RRP12: variants seen among roughly 807,000 people sequenced by gnomAD.
RRP12 encodes the protein ribosomal RNA processing 12 homolog, also known as RRP12-like protein.
In RRP12, 78 loss-of-function variants were observed where a neutral mutation model predicts 157.3. The ratio of observed to expected loss-of-function variants is 0.50; its 90% CI spans 0.41 to 0.60. The LOEUF (loss-of-function observed/expected upper bound fraction) is 0.60, where lower values mean the gene tolerates loss of function less well. Among genes scored for constraint, RRP12 ranks in the 20% least tolerant of loss-of-function variants. The pLI, the probability that RRP12 is intolerant of heterozygous loss-of-function variation, is 0.00. For missense variants in RRP12, 1,521 were observed against 1,679.9 expected, an observed-to-expected ratio of 0.91 and a Z score of 1.65; for synonymous variants, 726 against 670.9, an observed-to-expected ratio of 1.08 and a Z score of -1.27.
At position 97,379,192 on chromosome 10, in the gene RRP12, AG is replaced by A. The variant is rs1159991353; in HGVS notation, c.1798+100del. 2.2e-6 allele frequency: 3 copies of A among 1,374,136 alleles called. No homozygotes were observed. The African/African-American group carries it at 4.3e-5, about 20-fold the overall frequency. 85.1% of individuals were successfully genotyped at this position (1,374,136 alleles called of 1,614,324 possible). A position where few individuals can be genotyped will look rare whatever the true frequency, so the allele number is the denominator to read the frequency against. ...AGAGGGATGTTGCCAAACGTCTTGA[AG>A]GCTGGGTGTGTGGGACTCAGCACCC... On this transcript the variant is annotated intron_variant, in intron 15 of 33. Transcript: ENST00000370992.
chr10:97,377,454 G>A lies in RRP12; in HGVS notation c.1798+1839C>T, dbSNP rs149627844. On this transcript the variant is annotated intron_variant, in intron 15 of 33. Coordinates refer to ENST00000370992, the MANE Select transcript of RRP12 (RefSeq NM_015179.4). The stretch of plus-strand genomic sequence containing the variant: ...TAAGGCAGGAGAATCGCTTGAATCT[G>A]GGAGGCAGAGGTTGCAGTGAACTGA... Among the ~76,000 whole-genome samples the A allele has an allele frequency of 1.8e-4, 27 of 152,232 alleles. No homozygotes were observed. In the East Asian group the frequency reaches 5.0e-3, roughly 28 times the overall value.
intron 29 of RRP12, among the ~76,000 whole-genome samples, chr10:97,365,369 G>C (rs907607826): frequency 6.6e-6 from 1 of 151,748 alleles, no homozygotes; most frequent in Non-Finnish European, 1.5e-5. Context: ...TGCCTCCTGG[G>C]TCCACGCCAT....
At chr10:97,372,587 G>GTCAGCACAGCCTC (rs1321132326) in intron 19 of RRP12, 149 bp downstream of exon 19, 5 of 700,114 alleles carry the variant, frequency 7.1e-6, no homozygotes, top group South Asian at 1.7e-5. Flanking sequence ...GAAGGAACTA[G>GTCAGCACAGCCTC]TCAGCACAGC....
At chr10:97,367,004 C>T (rs776327722) in intron 26 of RRP12, 37 bp downstream of exon 26, 47 of 1,611,674 alleles carry the variant, frequency 2.9e-5, no homozygotes, top group Non-Finnish European at 3.5e-5. Context: ...CTCGGCCCCT[C>T]GCTTGCCCTA....
In RRP12 at chr10:97,369,425, C is replaced by A. The variant is rs770548358; in HGVS notation, c.2955G>T (p.Val985=). Residue 985 remains valine, a splice_region_variant and synonymous_variant, in exon 25 of 34, where the codon GTG becomes GTT. Transcript: ENST00000370992. ...VAHLAKHVQL[V]MEAIGKLSDD... ...TGCTAAGGGGAACGGGGACACTCAC[C>A]ACCAGCTGCACATGTTTGGCCAGGT... 1 of 1,611,344 alleles carries A rather than the reference C, an allele frequency of 6.2e-7. No individual in the cohort carries two copies. Among genetic ancestry groups the A allele is most frequent in the South Asian group, 1.1e-5 (1 of 90,344 alleles).
intron 15 of RRP12, 74 bp from the exon 16 acceptor site, chr10:97,373,968 CA>C: frequency 7.8e-7 from 1 of 1,285,592 alleles, no homozygotes; most frequent in Non-Finnish European, 1.1e-6. Context: ...CAAACCAAAC[CA>C]AAAGCCCAAT....
Position 97,373,096 on chromosome 10 carries a change from G to A in RRP12, c.2131C>T (p.Arg711Trp), listed in dbSNP as rs745669990. The A allele has an allele frequency of 2.9e-5, 46 of 1,613,960 alleles. No individual in the cohort carries two copies. Among genetic ancestry groups the A allele is most frequent in the East Asian group, 1.1e-4 (5 of 44,900 alleles). The change falls in exon 18 of 34, where the codon CGG becomes TGG. Residue 711 changes from arginine to tryptophan, a missense_variant. Physicochemically the swap from Arg to Trp is moderately radical, Grantham distance 101. Coordinates refer to ENST00000370992, the MANE Select transcript of RRP12 (RefSeq NM_015179.4). ...GTTCTGATGGTTTCCAGCACAGCCC[G>A]GCGAGGGGCTGGAGTGTCCCCGGCT... ...VAAGDTPAPR[R>W]AVLETIRTYL... is the part of the protein sequence containing the mutation.
At chr10:97,377,934 C>T (rs1844356125) in intron 15 of RRP12, among the ~76,000 whole-genome samples, 1 of 151,906 alleles carries the variant, frequency 6.6e-6, no homozygotes, top group African/African-American at 2.4e-5. Context: ...CCTACATCCT[C>T]AAAATCCACA....
At chr10:97,391,389 T>A (rs1369624492) in intron 4 of RRP12, among the ~76,000 whole-genome samples, 1 of 150,652 alleles carries the variant, frequency 6.6e-6, no homozygotes, top group East Asian at 2.0e-4. Flanking sequence ...CTGACAAACA[T>A]GGAGAAACCC....
chr10:97,379,107 C>T (rs868469386), intron 15 of RRP12, among the ~76,000 whole-genome samples, 186 bp downstream of exon 15: 4 of 152,190 alleles, frequency 2.6e-5, no homozygotes, highest in Non-Finnish European at 4.4e-5. Context: ...CACCTGGCCT[C>T]GCCTTGGAGC....
intron 25 of RRP12, among the ~76,000 whole-genome samples, chr10:97,369,200 T>C (rs1056107337): frequency 5.3e-5 from 8 of 152,242 alleles, no homozygotes; most frequent in African/African-American, 1.9e-4. Context: ...AGAGCCCCTG[T>C]TGCTTTCCAT....
Position 97,381,755 on chromosome 10 carries a change from G to A in RRP12, c.1280C>T (p.Pro427Leu). 6.2e-7 allele frequency: 1 copy of A among 1,614,156 alleles called. No homozygotes were observed. The highest frequency in any genetic ancestry group is 8.5e-7 in the Non-Finnish European group (1 of 1,179,976). The change falls in exon 11 of 34, where the codon CCA (proline) becomes CTA (leucine). Residue 427 changes from proline (P) to leucine (L), a missense_variant. Physicochemically the swap from Pro to Leu is moderately conservative, Grantham distance 98. Coordinates refer to ENST00000370992, the MANE Select transcript of RRP12 (RefSeq NM_015179.4). ...AGCAGCAGTCAGCACTTGCGAGTGTGGGGAAAGGAGGCAGGTCACCGCAGT... is the reference window on the plus strand; with the variant it reads ...AGCAGCAGTCAGCACTTGCGAGTGTAGGGAAAGGAGGCAGGTCACCGCAGT... The part of the protein sequence containing the change: ...FGTAVTCLLS[P>L]HSQVLTAATQ...
intron 8 of RRP12, 136 bp downstream of exon 8, chr10:97,388,116 C>G (rs1464885768): frequency 1.8e-6 from 2 of 1,122,990 alleles, no homozygotes; most frequent in Admixed American, 2.2e-5. Flanking sequence ...CACAGAGTAA[C>G]GTAGTGCTGT....
intron 4 of RRP12, 47 bp downstream of exon 4, chr10:97,393,637 T>G (rs533244410): frequency 7.2e-7 from 1 of 1,386,548 alleles, no homozygotes; most frequent in East Asian, 2.3e-5. Flanking sequence ...CATTCCCTTC[T>G]CCCCTCCACA....
At position 97,380,924 on chromosome 10, in the gene RRP12, G is replaced by A; in HGVS notation, c.1419-11C>T. The stretch of plus-strand genomic sequence containing the variant: ...CCCTCCTCCACTGCCCTGCCAAGGG[G>A]GCGGCACAGTCAGGGCCACGGTCAC... On this transcript the variant is annotated splice_polypyrimidine_tract_variant and intron_variant, in intron 12 of 33. Transcript: ENST00000370992. 6.2e-7 allele frequency: 1 copy of A among 1,608,028 alleles called. No homozygotes were observed. The highest frequency in any genetic ancestry group is 1.7e-5 in the Admixed American group (1 of 60,000).
chr10:97,370,929 G>A lies in RRP12; in HGVS notation c.2496C>T (p.Ala832=), dbSNP rs1475148937. The A allele has an allele frequency of 6.2e-7, 1 of 1,614,022 alleles. No individual in the cohort carries two copies. The highest frequency in any genetic ancestry group is 8.5e-7 in the Non-Finnish European group (1 of 1,179,940). Residue 832 remains alanine, a synonymous_variant, in exon 21 of 34, where the codon GCC becomes GCT. Transcript: ENST00000370992. ...GTGGCCCTAGAGCCCTCACCCTCTT[G>A]GCGGGTGAGGAGGTGCTCCGCAGCG... ...LDSLRSTSSP[A]KRPRLKCLLH... is the part of the protein sequence containing the mutation.
rs549218153 is a variant in RRP12 at position 97,393,689 on chromosome 10, C to T, written c.525G>A (p.Leu175=). 18 of 1,613,930 alleles carry T rather than the reference C, an allele frequency of 1.1e-5. No individual in the cohort carries two copies. The East Asian group carries it at 3.6e-4, about 32-fold the overall frequency. ...AAACAGGAGGCAGAACTCACCGCTT[C>T]AGGACAAGGTTCAGCAGGTAAGCAA... is the stretch of plus-strand genomic sequence containing the variant. ...AAVAYLLNLV[L]KRVPSPVLIK... Residue 175 remains leucine (L), a synonymous_variant, in exon 4 of 34, where the codon CTG becomes CTA. Coordinates refer to ENST00000370992, the MANE Select transcript of RRP12 (RefSeq NM_015179.4).
At chr10:97,401,055 C>T (rs774749419) in intron 1 of RRP12, 38 bp downstream of exon 1, 7 of 1,605,272 alleles carry the variant, frequency 4.4e-6, no homozygotes, top group Non-Finnish European at 6.0e-6. Context: ...CTGCCTGGAA[C>T]CCCGCCCCCG....
Position 97,400,410 on chromosome 10 carries a change from G to T in RRP12, c.264C>A (p.Thr88=), listed in dbSNP as rs762289811. The T allele has an allele frequency of 1.9e-6, 3 of 1,614,110 alleles. No individual in the cohort carries two copies. The highest frequency in any genetic ancestry group is 1.1e-5 in the South Asian group (1 of 91,076). ...PMEEEAELVL[T]EKSSGTFLSG... is the part of the protein sequence containing the mutation. ...TCAGGAAGGTACCCGAGGACTTCTC[G>T]GTGAGAACCAGCTCCGCCTCTTCTT... The change falls in exon 2 of 34, where the codon ACC becomes ACA. Residue 88 remains threonine, a synonymous_variant. Transcript: ENST00000370992.
Sources: allele counts gnomAD v4.1 joint callset (sites outside exome capture counted in the v4.1 genomes callset), GRCh38; gene constraint gnomAD v4.1.1; transcripts MANE v1.5; gene names NCBI Gene and HGNC (gene_info 2026-07-23, HGNC 2026-07-21).